PLA2G2A: variants seen among roughly 807,000 people sequenced by gnomAD.
PLA2G2A encodes phospholipase A2 group IIA, also known as phospholipase A2, membrane associated.
A neutral mutation model predicts 11.2 loss-of-function variants in PLA2G2A; 6 were observed. The observed-to-expected ratio is 0.54, with a 90% CI of 0.29 to 1.06. PLA2G2A has a LOEUF of 1.06. Ranked by LOEUF, PLA2G2A falls within the 50% of genes least tolerant of loss-of-function variation. The pLI is 0.08. For synonymous variants in PLA2G2A, 69 were observed against 65.8 expected, an observed-to-expected ratio of 1.05 and a Z score of -0.23; for missense variants, 133 against 177.1, an observed-to-expected ratio of 0.75 and a Z score of 1.41.
chr1:19,975,768 G>A lies in PLA2G2A; in HGVS notation c.368C>T (p.Thr123Met), dbSNP rs148324464. 1.1e-4 allele frequency: 184 copies of A among 1,612,962 alleles called. No individual in the cohort carries two copies. In the African/African-American group the frequency reaches 1.3e-3, roughly 11 times the overall value. The change falls in exon 5 of 5, where the codon ACG (threonine) becomes ATG (methionine). Residue 123 changes from threonine to methionine, a missense_variant. By Grantham distance (81) the Thr-to-Met change is moderately conservative. Transcript: ENST00000482011. The stretch of plus-strand genomic sequence containing the variant: ...GTACTGGTACTTTTTATTGTAGGTC[G>A]TCTTGTTTCTAGCAAAACAGGTGGC...
At chr1:19,978,445 A>T (rs2046255427) in exon 3 of PLA2G2A, 1 of 1,613,906 alleles carries the variant, frequency 6.2e-7, no homozygotes, top group Non-Finnish European at 8.5e-7. Context: ...AGAAGCCATA[A>T]CTGAGTGCGG....
chr1:19,975,497 G>A (rs527457976), downstream of PLA2G2A: 53 of 611,926 alleles, frequency 8.7e-5, no homozygotes, highest in African/African-American at 1.7e-4. Flanking sequence ...GGTTAAGCAC[G>A]GAGTTGAGGT....
chr1:19,977,093 G>A (rs1240693331), intron 4 of PLA2G2A, among the ~76,000 whole-genome samples: 1 of 152,136 alleles, frequency 6.6e-6, no homozygotes, highest in African/African-American at 2.4e-5. Context: ...GCTGGCTTCT[G>A]AATCTGTGTC....
At position 19,978,899 on chromosome 1, in the gene PLA2G2A, TC is replaced by T; in HGVS notation, c.-106-21del. The T allele has an allele frequency of 1.2e-6, 1 of 847,116 alleles. No individual in the cohort carries two copies. Among genetic ancestry groups the T allele is most frequent in the Non-Finnish European group, 2.0e-6 (1 of 502,960 alleles). 52.5% of individuals were successfully genotyped at this position (847,116 alleles called of 1,614,324 possible). On this transcript the variant is annotated intron_variant, in intron 1 of 4. Coordinates refer to ENST00000482011, the Ensembl canonical transcript of PLA2G2A. ...GTGGCTCTGAGACACACAGACATGC[TC>T]TCCCATCCAACCTAAGTCCAGGGTG... is the stretch of plus-strand genomic sequence containing the variant.
chr1:19,975,558 G>T (rs2046207506), downstream of PLA2G2A: 1 of 734,442 alleles, frequency 1.4e-6, no homozygotes, highest in Admixed American at 1.9e-5. Context: ...CATTCTGGGT[G>T]GGTATAGAAG....
At position 19,978,893 on chromosome 1, in the gene PLA2G2A, A is replaced by G; in HGVS notation, c.-106-14T>C. ...TCCTTGGTGGCTCTGAGACACACAG[A>G]CATGCTCTCCCATCCAACCTAAGTC... On this transcript the variant is annotated splice_polypyrimidine_tract_variant and intron_variant, in intron 1 of 4. Coordinates refer to ENST00000482011, the Ensembl canonical transcript of PLA2G2A. 1 of 894,012 alleles carries G rather than the reference A, an allele frequency of 1.1e-6. No homozygotes were observed. The highest frequency in any genetic ancestry group is 1.8e-6 in the Non-Finnish European group (1 of 542,034). The allele number at this position is 894,012 out of a possible 1,614,324, so 55.4% of individuals were successfully genotyped here. A position where few individuals can be genotyped will look rare whatever the true frequency, so the allele number is the denominator to read the frequency against.
chr1:19,977,686 C>T (rs529418216), intron 4 of PLA2G2A, among the ~76,000 whole-genome samples: 2 of 152,310 alleles, frequency 1.3e-5, no homozygotes, highest in East Asian at 3.9e-4. Flanking sequence ...CTTACAGTGC[C>T]CTTTAGTGCC....
At chr1:19,979,003 C>CA (rs2046266385) in intron 1 of PLA2G2A, 124 bp from the exon 2 acceptor site, 53 of 476,616 alleles carry the variant, frequency 1.1e-4, no homozygotes, top group Admixed American at 7.6e-4. Flanking sequence ...ACACACACAA[C>CA]CACCTCCTGA....
At chr1:19,977,734 C>T (rs2046239718) in intron 4 of PLA2G2A, among the ~76,000 whole-genome samples, 1 of 152,366 alleles carries the variant, frequency 6.6e-6, no homozygotes, top group Admixed American at 6.5e-5. Flanking sequence ...AATGCTCCCT[C>T]CTCTTCCCTG....
At chr1:19,976,488 C>G (rs957090360) in intron 4 of PLA2G2A, among the ~76,000 whole-genome samples, 1 of 152,182 alleles carries the variant, frequency 6.6e-6, no homozygotes, top group African/African-American at 2.4e-5. Flanking sequence ...TGCACTCTTC[C>G]AGAATTCTAG....
At position 19,975,913 on chromosome 1, in the gene PLA2G2A, G is replaced by A. The variant is rs141564535; in HGVS notation, c.293-70C>T. The A allele has an allele frequency of 9.7e-3, 13,323 of 1,372,356 alleles. 79 individuals are homozygous for A. The highest frequency in any genetic ancestry group is 0.017 in the Middle Eastern group (97 of 5,634). 85.0% of individuals were successfully genotyped at this position (1,372,356 alleles called of 1,614,324 possible). Reference sequence around the variant, plus strand: ...TTCAGTGGCTTCTTGTGGGAACCCTGGGGTAGAAGACACAGCCCTGTCCTC... The same window carrying A: ...TTCAGTGGCTTCTTGTGGGAACCCTAGGGTAGAAGACACAGCCCTGTCCTC... On this transcript the variant is annotated intron_variant, in intron 4 of 4. Transcript: ENST00000482011.
upstream of PLA2G2A, chr1:19,980,220 G>A (rs1416476581): frequency 6.6e-6 from 1 of 152,318 alleles, no homozygotes; most frequent in Non-Finnish European, 1.5e-5. Context: ...ACTTGGGCCA[G>A]GGCCTCAACT....
intron 4 of PLA2G2A, among the ~76,000 whole-genome samples, chr1:19,977,477 C>G (rs2046236965): frequency 6.6e-6 from 1 of 152,236 alleles, no homozygotes. Context: ...TCCATCGACC[C>G]TGTCCCCACA....
chr1:19,976,989 TCCC>T (rs1480711792), intron 4 of PLA2G2A, among the ~76,000 whole-genome samples: 1 of 152,120 alleles, frequency 6.6e-6, no homozygotes, highest in Non-Finnish European at 1.5e-5. Context: ...CTCGCTCAGT[TCCC>T]CTTCTCCCTC....
chr1:19,975,657 G>A (rs1164563482), downstream of PLA2G2A: 2 of 1,586,930 alleles, frequency 1.3e-6, no homozygotes, highest in South Asian at 1.1e-5. Context: ...GTATGAGAGA[G>A]GGAAATTCAG....
exon 2 of PLA2G2A, chr1:19,978,808 T>A: frequency 6.2e-7 from 1 of 1,610,170 alleles, no homozygotes; most frequent in Non-Finnish European, 8.5e-7. Context: ...GCAGATGGAC[T>A]GGCCTAGCTC....
rs2046244995 is a variant in PLA2G2A at position 19,978,009 on chromosome 1, T to TG, written c.292+5_292+6insC. ...GGGCCACTCGATGGTGAGGTAGGAC[T>TG]CTTACCACAGGTGATTCTGCTCCCC... On this transcript the variant is annotated splice_donor_region_variant and intron_variant, in intron 4 of 4. Coordinates refer to ENST00000482011, the Ensembl canonical transcript of PLA2G2A. 1 of 1,557,008 alleles carries TG rather than the reference T, an allele frequency of 6.4e-7. No homozygotes were observed. The highest frequency in any genetic ancestry group is 1.7e-5 in the Admixed American group (1 of 59,942).
At chr1:19,978,742 A>G (rs1298619424) in exon 2 of PLA2G2A, 1 of 1,613,896 alleles carries the variant, frequency 6.2e-7, no homozygotes, top group Non-Finnish European at 8.5e-7. Flanking sequence ...ACCAAAGATC[A>G]TGATCACTGC....
chr1:19,977,132 T>A (rs2046231421), intron 4 of PLA2G2A, among the ~76,000 whole-genome samples: 1 of 152,172 alleles, frequency 6.6e-6, no homozygotes, highest in Non-Finnish European at 1.5e-5. Context: ...CTGAGCTGCA[T>A]TTGTATAGAC....
Sources: allele counts gnomAD v4.1 joint callset (sites outside exome capture counted in the v4.1 genomes callset), GRCh38; gene constraint gnomAD v4.1.1; transcripts MANE v1.5; gene names NCBI Gene and HGNC (gene_info 2026-07-23, HGNC 2026-07-21).